TMEM30A: variants seen among roughly 807,000 people sequenced by gnomAD.
TMEM30A encodes the protein cell cycle control protein 50A.
A neutral mutation model predicts 38.2 loss-of-function variants in TMEM30A; 24 were observed. The ratio of observed to expected loss-of-function variants is 0.63; its 90% CI spans 0.46 to 0.88. TMEM30A has a LOEUF of 0.88. Among genes scored for constraint, TMEM30A ranks in the 40% least tolerant of loss-of-function variants. The probability of loss-of-function intolerance (pLI) is 0.00; values close to 1 mark genes in which losing one functional copy is unlikely to be tolerated. For synonymous variants in TMEM30A, 145 were observed against 161.6 expected, an observed-to-expected ratio of 0.90 and a Z score of 0.78; for missense variants, 370 against 458.6, an observed-to-expected ratio of 0.81 and a Z score of 1.77.
intron 4 of TMEM30A, among the ~76,000 whole-genome samples, chr6:75,260,560 G>A (rs900437331): frequency 6.6e-6 from 1 of 152,132 alleles, no homozygotes; most frequent in African/African-American, 2.4e-5. Flanking sequence ...TCAGTGGGAA[G>A]GTCAGCCTGA....
intron 1 of TMEM30A, among the ~76,000 whole-genome samples, chr6:75,275,527 GA>G (rs970359409): frequency 2.4e-4 from 37 of 152,074 alleles, no homozygotes; most frequent in African/African-American, 8.9e-4. Flanking sequence ...TCCCCATCTT[GA>G]AAAATGACAA....
At position 75,284,591 on chromosome 6, in the gene TMEM30A, C is replaced by G; in HGVS notation, c.48G>C (p.Pro16=). The change falls in exon 1 of 7, where the codon CCG becomes CCC. Residue 16 remains proline, a synonymous_variant. Coordinates refer to ENST00000230461, the MANE Select transcript of TMEM30A (RefSeq NM_018247.4). ...NAKDEVDGGP[P]CAPGGTAKTR... ...TCTTCGCGGTGCCCCCCGGAGCACACGGGGGCCCACCGTCCACTTCATCCT... is the reference window on the plus strand; with the variant it reads ...TCTTCGCGGTGCCCCCCGGAGCACAGGGGGGCCCACCGTCCACTTCATCCT... 1 of 1,613,618 alleles carries G rather than the reference C, an allele frequency of 6.2e-7. No individual in the cohort carries two copies. Among genetic ancestry groups the G allele is most frequent in the South Asian group, 1.1e-5 (1 of 91,058 alleles).
At chr6:75,269,743 A>G (rs980445933) in intron 1 of TMEM30A, among the ~76,000 whole-genome samples, 19 of 152,182 alleles carry the variant, frequency 1.2e-4, no homozygotes, top group Admixed American at 1.0e-3. Flanking sequence ...ATCACCAGGC[A>G]GAGCGCAGTG....
chr6:75,254,068 G>A lies in TMEM30A; in HGVS notation c.*2034C>T, dbSNP rs190320222. 3.6e-4 allele frequency: 55 copies of A among 152,134 alleles called. No individual in the cohort carries two copies. Among genetic ancestry groups the A allele is most frequent in the African/African-American group, 1.3e-3 (52 of 41,526 alleles). The allele number at this position is 152,134 out of a possible 1,614,324, so 9.4% of individuals were successfully genotyped here. ...CCATACTCTTCATATTTAGCAACAGGAGTTCCTTAGAGATCAAACAGCAGA... is the reference window on the plus strand; with the variant it reads ...CCATACTCTTCATATTTAGCAACAGAAGTTCCTTAGAGATCAAACAGCAGA... On this transcript the variant is annotated 3_prime_UTR_variant, in exon 7 of 7. Transcript: ENST00000230461.
chr6:75,254,112 C>T lies in TMEM30A; in HGVS notation c.*1990G>A, dbSNP rs1325159679. 3 of 152,020 alleles carry T rather than the reference C, an allele frequency of 2.0e-5. No individual in the cohort carries two copies. Among genetic ancestry groups the T allele is most frequent in the Non-Finnish European group, 4.4e-5 (3 of 67,988 alleles). The allele number at this position is 152,020 out of a possible 1,614,324, so 9.4% of individuals were successfully genotyped here. A position where few individuals can be genotyped will look rare whatever the true frequency, so the allele number is the denominator to read the frequency against. On this transcript the variant is annotated 3_prime_UTR_variant, in exon 7 of 7. Coordinates refer to ENST00000230461, the MANE Select transcript of TMEM30A (RefSeq NM_018247.4). ...CAGCAGAAAACAGGAGGAACTTAGGCCATCAATGGACTTGTAAAACAGATA... is the reference window on the plus strand; with the variant it reads ...CAGCAGAAAACAGGAGGAACTTAGGTCATCAATGGACTTGTAAAACAGATA...
chr6:75,276,299 G>A (rs1772258162), intron 1 of TMEM30A, among the ~76,000 whole-genome samples: 1 of 152,154 alleles, frequency 6.6e-6, no homozygotes, highest in South Asian at 2.1e-4. Context: ...AGCCGCTCTA[G>A]CAAATAAAGC....
intron 1 of TMEM30A, among the ~76,000 whole-genome samples, chr6:75,273,890 TACTG>T (rs2149523049): frequency 6.6e-6 from 1 of 152,364 alleles, no homozygotes; most frequent in South Asian, 2.1e-4. Context: ...GTCTTGATGG[TACTG>T]ACTGAGTTTC....
rs1771924257 is a variant in TMEM30A, at chr6:75,259,399, AT to A, written c.632del (p.Asn211MetfsTer2). ...CTCCAGGGGGATTTCTGAATTTCAC[AT>A]TTTTATCTGTCCACCAAGCAATACC... ...KKGIAWWTDK[N>X]VKFRNPPGGD... On this transcript the variant is annotated frameshift_variant, in exon 5 of 7. Coordinates refer to ENST00000230461, the MANE Select transcript of TMEM30A (RefSeq NM_018247.4). LOFTEE classifies it high-confidence loss of function. 6.2e-7 allele frequency: 1 copy of A among 1,613,412 alleles called. No homozygotes were observed. The highest frequency in any genetic ancestry group is 8.5e-7 in the Non-Finnish European group (1 of 1,179,736).
At position 75,278,006 on chromosome 6, in the gene TMEM30A, G is replaced by A. The variant is rs77872627; in HGVS notation, c.237+6396C>T. On this transcript the variant is annotated intron_variant, in intron 1 of 6. Transcript: ENST00000230461. ...TGAACAGAGATGGAAAAAAGAGGTT[G>A]AAGAAAACAAGAGGAAGATGGTGAT... Among the ~76,000 whole-genome samples the A allele has an allele frequency of 4.0e-3, 606 of 152,138 alleles. 4 individuals are homozygous for A. The highest frequency in any genetic ancestry group is 0.014 in the African/African-American group (573 of 41,506).
intron 3 of TMEM30A, among the ~76,000 whole-genome samples, chr6:75,264,559 C>T (rs559751980): frequency 6.6e-6 from 1 of 151,794 alleles, no homozygotes; most frequent in Admixed American, 6.6e-5. Flanking sequence ...TCACTTGAAC[C>T]CAGGAGGTGG....
At chr6:75,282,003 T>A (rs933852824) in intron 1 of TMEM30A, among the ~76,000 whole-genome samples, 1 of 152,230 alleles carries the variant, frequency 6.6e-6, no homozygotes, top group Non-Finnish European at 1.5e-5. Context: ...TCAGTGTCAG[T>A]AAAAAATTCC....
chr6:75,271,296 T>C (rs1433270774), intron 1 of TMEM30A, among the ~76,000 whole-genome samples: 1 of 152,150 alleles, frequency 6.6e-6, no homozygotes, highest in African/African-American at 2.4e-5. Flanking sequence ...TGAAATCTAA[T>C]AAATTATGCT....
chr6:75,255,894 T>C lies in TMEM30A; in HGVS notation c.*208A>G, dbSNP rs1194245522. On this transcript the variant is annotated 3_prime_UTR_variant, in exon 7 of 7. Coordinates refer to ENST00000230461, the MANE Select transcript of TMEM30A (RefSeq NM_018247.4). ...CATTTCAGCAGTTACAGTGTTGATATGATCAATATAGCTAATTTTTTTATA... is the reference window on the plus strand; with the variant it reads ...CATTTCAGCAGTTACAGTGTTGATACGATCAATATAGCTAATTTTTTTATA... The C allele has an allele frequency of 1.1e-5, 5 of 456,136 alleles. No individual in the cohort carries two copies. Among genetic ancestry groups the C allele is most frequent in the Non-Finnish European group, 1.6e-5 (4 of 256,982 alleles). The allele number at this position is 456,136 out of a possible 1,614,324, so 28.3% of individuals were successfully genotyped here.
chr6:75,262,652 A>T (rs1771990048), intron 3 of TMEM30A, among the ~76,000 whole-genome samples: 1 of 152,220 alleles, frequency 6.6e-6, no homozygotes, highest in Non-Finnish European at 1.5e-5. Context: ...CTCAAAAAAA[A>T]AAACAACAAA....
At chr6:75,280,787 A>G (rs1772343825) in intron 1 of TMEM30A, among the ~76,000 whole-genome samples, 1 of 152,166 alleles carries the variant, frequency 6.6e-6, no homozygotes, top group Non-Finnish European at 1.5e-5. Flanking sequence ...TTTTAACATA[A>G]AAGTGCCTAA....
intron 4 of TMEM30A, 46 bp downstream of exon 4, chr6:75,260,769 GAAATTATGC>G (rs1771952200): frequency 8.8e-7 from 1 of 1,131,768 alleles, no homozygotes; most frequent in African/African-American, 1.6e-5. Flanking sequence ...AATCTGTAAT[GAAATTATGC>G]AAATTGTCCT....
intron 4 of TMEM30A, among the ~76,000 whole-genome samples, chr6:75,260,136 T>C (rs996602966): frequency 6.6e-6 from 1 of 152,176 alleles, no homozygotes. Flanking sequence ...CCAGGCGCAG[T>C]GGCTCACGCC....
chr6:75,275,961 G>A (rs1772252915), intron 1 of TMEM30A, among the ~76,000 whole-genome samples: 1 of 152,184 alleles, frequency 6.6e-6, no homozygotes, highest in African/African-American at 2.4e-5. Flanking sequence ...AGACCTGTGG[G>A]AAGGGGAAAG....
chr6:75,260,480 A>G (rs1771947057), intron 4 of TMEM30A, among the ~76,000 whole-genome samples: 2 of 152,216 alleles, frequency 1.3e-5, no homozygotes, highest in South Asian at 4.1e-4. Context: ...TATAGCTCAC[A>G]TTATATTTCT....
Sources: allele counts gnomAD v4.1 joint callset (sites outside exome capture counted in the v4.1 genomes callset), GRCh38; gene constraint gnomAD v4.1.1; transcripts MANE v1.5; gene names NCBI Gene and HGNC (gene_info 2026-07-23, HGNC 2026-07-21).